FAM13C: variants seen among roughly 807,000 people sequenced by gnomAD.
The protein encoded by FAM13C is protein FAM13C.
FAM13C carries 37 observed loss-of-function variants against 73.2 expected under a neutral mutation model. That is an observed-to-expected ratio of 0.51 (90% CI 0.39 to 0.67). FAM13C has a LOEUF of 0.67. FAM13C is among the 30% of genes least tolerant of loss of function. FAM13C has a pLI of 0.00. For synonymous variants in FAM13C, 246 were observed against 260.9 expected (o/e 0.94, Z 0.55); for missense variants, 589 against 715.6 (o/e 0.82, Z 2.02).
At chr10:59,289,830 C>T (rs1771581396) in intron 5 of FAM13C, among the ~76,000 whole-genome samples, 1 of 152,104 alleles carries the variant, frequency 6.6e-6, no homozygotes, top group South Asian at 2.1e-4. Flanking sequence ...AGTCCTAGTG[C>T]CACCTCAACC....
chr10:59,336,323 A>G (rs1413635838), intron 3 of FAM13C, among the ~76,000 whole-genome samples: 1 of 152,228 alleles, frequency 6.6e-6, no homozygotes, highest in Non-Finnish European at 1.5e-5. Flanking sequence ...TATAAGGAGC[A>G]TCCTGACTTC....
intron 2 of FAM13C, among the ~76,000 whole-genome samples, chr10:59,353,304 A>T (rs1460014526): frequency 2.0e-5 from 3 of 152,198 alleles, no homozygotes; most frequent in Non-Finnish European, 4.4e-5. Flanking sequence ...TCCCACTTAA[A>T]TCTAGATGCA....
At chr10:59,320,726 C>T (rs1348475154) in intron 4 of FAM13C, among the ~76,000 whole-genome samples, 2 of 152,184 alleles carry the variant, frequency 1.3e-5, no homozygotes, top group Non-Finnish European at 2.9e-5. Context: ...TACAGCTCGG[C>T]GTTTGCCTTA....
intron 3 of FAM13C, among the ~76,000 whole-genome samples, chr10:59,330,543 G>A (rs951639860): frequency 3.3e-5 from 5 of 152,260 alleles, no homozygotes; most frequent in Non-Finnish European, 7.4e-5. Context: ...TCTGAAGTGA[G>A]GGAGATTCAT....
chr10:59,317,279 C>A (rs540356144), intron 4 of FAM13C, among the ~76,000 whole-genome samples: 1 of 152,044 alleles, frequency 6.6e-6, no homozygotes. Context: ...CCATTCTAGT[C>A]GCCTCAGGCA....
At chr10:59,323,958 C>T in intron 4 of FAM13C, 30 bp downstream of exon 4, 1 of 1,574,710 alleles carries the variant, frequency 6.4e-7, no homozygotes, top group Non-Finnish European at 8.7e-7. Flanking sequence ...ACCACAAGCA[C>T]AGAATAGCTT....
intron 13 of FAM13C, among the ~76,000 whole-genome samples, chr10:59,250,292 C>T (rs1841242548): frequency 1.3e-5 from 2 of 151,964 alleles, no homozygotes; most frequent in African/African-American, 2.4e-5. Flanking sequence ...GTTACATGAA[C>T]ATTTTATAAA....
chr10:59,264,103 C>A lies in FAM13C; in HGVS notation c.1006G>T (p.Gly336Cys). The change falls in exon 9 of 14, where the codon GGT becomes TGT. Residue 336 changes from glycine to cysteine, a missense_variant. Gly to Cys is a radical substitution (Grantham distance 159). Coordinates refer to ENST00000618804, the MANE Select transcript of FAM13C (RefSeq NM_198215.4). ...GATTTACCTTTGAGCTGTTTACGAC[C>A]TTTAGCCAAATCATTCATCCATTTC... ...VLKWMNDLAK[G>C]RKQLKELKLK... 6.2e-7 allele frequency: 1 copy of A among 1,609,414 alleles called. No homozygotes were observed. The highest frequency in any genetic ancestry group is 8.5e-7 in the Non-Finnish European group (1 of 1,177,250).
chr10:59,328,188 C>A (rs997756140), intron 3 of FAM13C, among the ~76,000 whole-genome samples: 3 of 152,142 alleles, frequency 2.0e-5, no homozygotes, highest in Admixed American at 2.0e-4. Context: ...AGAAAGCTGT[C>A]CATGAAGCAA....
intron 4 of FAM13C, among the ~76,000 whole-genome samples, chr10:59,318,331 T>C (rs1368964990): frequency 1.3e-5 from 2 of 152,314 alleles, no homozygotes; most frequent in Middle Eastern, 3.4e-3. Flanking sequence ...TGAGCTCTTT[T>C]TTCAATCAGC....
intron 4 of FAM13C, among the ~76,000 whole-genome samples, chr10:59,321,926 C>T (rs1452670536): frequency 6.6e-6 from 1 of 152,166 alleles, no homozygotes; most frequent in East Asian, 1.9e-4. Context: ...CCCCAGCCCA[C>T]TGCCCCAAAG....
At position 59,328,227 on chromosome 10, in the gene FAM13C, G is replaced by T. The variant is rs1851447434; in HGVS notation, c.325-4121C>A. ...TAATTTAGGCTATTTATCTCATCCA[G>T]GTACAGAGGCTAGGAGAGTGTGCAT... On this transcript the variant is annotated intron_variant, in intron 3 of 13. Transcript: ENST00000618804. Among the ~76,000 whole-genome samples the T allele has an allele frequency of 2.0e-5, 3 of 152,170 alleles. No individual in the cohort carries two copies. The South Asian group carries it at 6.2e-4, about 31-fold the overall frequency.
Position 59,352,353 on chromosome 10 carries a change from G to T in FAM13C, c.241C>A (p.Arg81=), listed in dbSNP as rs993269695. 6.2e-7 allele frequency: 1 copy of T among 1,614,156 alleles called. No individual in the cohort carries two copies. Among genetic ancestry groups the T allele is most frequent in the Non-Finnish European group, 8.5e-7 (1 of 1,180,048 alleles). The change falls in exon 3 of 14, where the codon CGA becomes AGA. Residue 81 remains arginine (R), a synonymous_variant. Coordinates refer to ENST00000618804, the MANE Select transcript of FAM13C (RefSeq NM_198215.4). ...GACTTGAAGTTGCCCATGCTGGGTCGCAATACGCTGTCCACCAGCACGGTC... is the reference window on the plus strand; with the variant it reads ...GACTTGAAGTTGCCCATGCTGGGTCTCAATACGCTGTCCACCAGCACGGTC... ...EATVLVDSVL[R]PSMGNFKSRK...
chr10:59,304,104 C>A (rs1437483224), intron 4 of FAM13C, among the ~76,000 whole-genome samples: 1 of 152,102 alleles, frequency 6.6e-6, no homozygotes, highest in African/African-American at 2.4e-5. Flanking sequence ...GCTGAGATTG[C>A]GTCACTGCAC....
At chr10:59,249,289 A>T (rs1841089904) in intron 13 of FAM13C, among the ~76,000 whole-genome samples, 1 of 139,522 alleles carries the variant, frequency 7.2e-6, no homozygotes, top group South Asian at 2.4e-4. Flanking sequence ...CTGTAGTCCC[A>T]GCTACTTGGG....
At chr10:59,289,936 C>A (rs1183010134) in intron 5 of FAM13C, among the ~76,000 whole-genome samples, 1 of 152,126 alleles carries the variant, frequency 6.6e-6, no homozygotes, top group African/African-American at 2.4e-5. Flanking sequence ...TATCCAAAGT[C>A]TCCTCAAACG....
rs141046953 is a variant in FAM13C at position 59,252,878 on chromosome 10, C to G, written c.1453G>C (p.Val485Leu). Residue 485 changes from valine (V) to leucine (L), a missense_variant, in exon 12 of 14, where the codon GTT becomes CTT. Val to Leu is a conservative substitution (Grantham distance 32, BLOSUM62 1). Coordinates refer to ENST00000618804, the MANE Select transcript of FAM13C (RefSeq NM_198215.4). ...HLTYSNETEP[V>L]RALLPDEKKE... is the part of the protein sequence containing the mutation. ...TTTTCATCTGGTAAAAGGGCCCTAACAGGCTCAGTCTCATTAGAGTAGGTG... is the reference window on the plus strand; with the variant it reads ...TTTTCATCTGGTAAAAGGGCCCTAAGAGGCTCAGTCTCATTAGAGTAGGTG... The G allele has an allele frequency of 8.1e-5, 131 of 1,614,120 alleles. No homozygotes were observed. Among genetic ancestry groups the G allele is most frequent in the Non-Finnish European group, 1.0e-4 (123 of 1,180,002 alleles).
intron 3 of FAM13C, among the ~76,000 whole-genome samples, chr10:59,349,184 C>G (rs926377626): frequency 3.3e-4 from 50 of 152,180 alleles, no homozygotes; most frequent in African/African-American, 1.2e-3. Flanking sequence ...AAACTAACCA[C>G]AGTGATTCCT....
intron 3 of FAM13C, among the ~76,000 whole-genome samples, chr10:59,324,822 G>C (rs978238923): frequency 1.3e-5 from 2 of 151,966 alleles, no homozygotes; most frequent in Non-Finnish European, 2.9e-5. Context: ...ACCACAATGT[G>C]GGTTATCCAT....
Sources: allele counts gnomAD v4.1 joint callset (sites outside exome capture counted in the v4.1 genomes callset), GRCh38; gene constraint gnomAD v4.1.1; transcripts MANE v1.5; gene names NCBI Gene and HGNC (gene_info 2026-07-23, HGNC 2026-07-21).